Variants in UBXN10 observed in about 807,000 individuals in gnomAD.
UBXN10 encodes the protein UBX domain-containing protein 10.
In UBXN10, 6 loss-of-function variants were observed where a neutral mutation model predicts 6.9. The observed-to-expected ratio is 0.87, with a 90% CI of 0.48 to 1.72. UBXN10 has a LOEUF of 1.72. Among genes scored for constraint, UBXN10 ranks in the 40% most tolerant of loss-of-function variants. The pLI is 0.01. For missense variants in UBXN10, 317 were observed against 348.4 expected, an observed-to-expected ratio of 0.91 and a Z score of 0.72; for synonymous variants, 131 against 135.2, an observed-to-expected ratio of 0.97 and a Z score of 0.21.
Position 20,187,248 on chromosome 1 carries a change from G to A in UBXN10, c.-16+1095G>A, listed in dbSNP as rs924037838. Among the ~76,000 whole-genome samples the A allele has an allele frequency of 6.6e-6, 1 of 152,216 alleles. No individual in the cohort carries two copies. The highest frequency in any genetic ancestry group is 2.4e-5 in the African/African-American group (1 of 41,458). On this transcript the variant is annotated intron_variant, in intron 1 of 1. Transcript: ENST00000375099. This position sits in a 1 kb window ranked among gnomAD's most constrained non-coding sequence, Gnocchi z 4.6. ...TCCTGACTCCTAGCAGGCCGCTGGG[G>A]TGCAGCTATTGTGTTTAAGTAAACA... is the stretch of plus-strand genomic sequence containing the variant.
rs1177218642 is a variant in UBXN10 at position 20,191,297 on chromosome 1, G to T, written c.736G>T (p.Val246Leu). ...YRHCSIETME[V>L]PRRRFSDLTK... ...ACACTGCAGCATTGAAACAATGGAGGTGCCCAGGAGGCGATTTTCTGACCT... is the reference window on the plus strand; with the variant it reads ...ACACTGCAGCATTGAAACAATGGAGTTGCCCAGGAGGCGATTTTCTGACCT... Residue 246 changes from valine (V) to leucine (L), a missense_variant, in exon 2 of 2, where the codon GTG becomes TTG. Coordinates refer to ENST00000375099, the MANE Select transcript of UBXN10 (RefSeq NM_152376.5). This position sits in a 1 kb window ranked among gnomAD's most constrained non-coding sequence, Gnocchi z 4.5. 1.9e-6 allele frequency: 3 copies of T among 1,614,092 alleles called. No homozygotes were observed. Among genetic ancestry groups the T allele is most frequent in the Non-Finnish European group, 2.5e-6 (3 of 1,180,042 alleles).
intron 1 of UBXN10, 78 bp downstream of exon 1, chr1:20,186,231 C>T (rs1363358227): frequency 6.6e-6 from 1 of 152,330 alleles, no homozygotes; most frequent in Non-Finnish European, 1.5e-5. Flanking sequence ...GGCCAGTCCC[C>T]GAGACCCCAG....
rs1322223871 is a variant in UBXN10, at chr1:20,187,223, T to C, written c.-16+1070T>C. ...TTGGAAACAGTTGGCAGTGTTTGCT[T>C]CCTGACTCCTAGCAGGCCGCTGGGG... On this transcript the variant is annotated intron_variant, in intron 1 of 1. Coordinates refer to ENST00000375099, the MANE Select transcript of UBXN10 (RefSeq NM_152376.5). The surrounding 1 kb of genome is among the most constrained non-coding windows in gnomAD (Gnocchi z 4.6). Among the ~76,000 whole-genome samples, 1 of 152,220 alleles carries C rather than the reference T, an allele frequency of 6.6e-6. No individual in the cohort carries two copies. The highest frequency in any genetic ancestry group is 1.5e-5 in the Non-Finnish European group (1 of 68,042).
At chr1:20,184,475 A>C (rs1307208935), upstream of UBXN10, 1 of 152,220 alleles carries the variant, frequency 6.6e-6, no homozygotes, top group Non-Finnish European at 1.5e-5. Flanking sequence ...GGATGACCAG[A>C]GTGTGTGAGG....
rs116040241 is a variant in UBXN10, at chr1:20,190,491, C to A, written c.-15-56C>A. 3.0e-3 allele frequency: 4,584 copies of A among 1,535,138 alleles called. 117 individuals are homozygous for A. In the African/African-American group the frequency reaches 0.054, roughly 18 times the overall value. On this transcript the variant is annotated intron_variant, in intron 1 of 1. Transcript: ENST00000375099. ...CACTCAGGGAGGGAATGGCTTGGATCTAGGAGTCCCAGGAAGTTTAACCCA... is the reference window on the plus strand; with the variant it reads ...CACTCAGGGAGGGAATGGCTTGGATATAGGAGTCCCAGGAAGTTTAACCCA...
In UBXN10 at chr1:20,191,020, G is replaced by C; in HGVS notation, c.459G>C (p.Thr153=). The change falls in exon 2 of 2, where the codon ACG becomes ACC. Residue 153 remains threonine, a synonymous_variant. Coordinates refer to ENST00000375099, the MANE Select transcript of UBXN10 (RefSeq NM_152376.5). The surrounding 1 kb of genome is among the most constrained non-coding windows in gnomAD (Gnocchi z 4.5). ...TCCGGGCTCTTTACCAAGACGAGAC[G>C]GGCACCATGAAGACAAGTGAAGAAG... ...SSIRALYQDE[T]GTMKTSEEDS... The C allele has an allele frequency of 6.2e-7, 1 of 1,614,138 alleles. No individual in the cohort carries two copies. Among genetic ancestry groups the C allele is most frequent in the Non-Finnish European group, 8.5e-7 (1 of 1,180,034 alleles).
rs1368070972 is a variant in UBXN10 at position 20,195,007 on chromosome 1, G to A, written c.*3603G>A. 1.2e-5 allele frequency: 2 copies of A among 167,098 alleles called. No homozygotes were observed. Among genetic ancestry groups the A allele is most frequent in the African/African-American group, 2.4e-5 (1 of 41,448 alleles). 10.4% of individuals were successfully genotyped at this position (167,098 alleles called of 1,614,324 possible). A position where few individuals can be genotyped will look rare whatever the true frequency, so the allele number is the denominator to read the frequency against. Reference sequence around the variant, plus strand: ...AACAGGGAAGGCCTGAGGTCGCTTCGGAGGAGTTAGCAATCAAAGGAGAAC... The same window carrying A: ...AACAGGGAAGGCCTGAGGTCGCTTCAGAGGAGTTAGCAATCAAAGGAGAAC... On this transcript the variant is annotated 3_prime_UTR_variant, in exon 2 of 2. Coordinates refer to ENST00000375099, the MANE Select transcript of UBXN10 (RefSeq NM_152376.5).
chr1:20,189,398 T>C (rs778420506), intron 1 of UBXN10, among the ~76,000 whole-genome samples: 5 of 151,910 alleles, frequency 3.3e-5, no homozygotes, highest in Non-Finnish European at 5.9e-5. Context: ...GTGCTGGTAG[T>C]AGTGTTAGTG....
upstream of UBXN10, among the ~76,000 whole-genome samples, chr1:20,183,550 T>C (rs1423794497): frequency 6.6e-6 from 1 of 152,158 alleles, no homozygotes; most frequent in Non-Finnish European, 1.5e-5. Flanking sequence ...TTAAGGAGCG[T>C]TGTGAAGATG....
At chr1:20,185,825 G>GC (rs2018364787), upstream of UBXN10, among the ~76,000 whole-genome samples, 1 of 152,180 alleles carries the variant, frequency 6.6e-6, no homozygotes, top group Non-Finnish European at 1.5e-5. Flanking sequence ...CCCGGCCAGG[G>GC]CTCTCCCTCT....
At chr1:20,185,147 G>A (rs556796519), upstream of UBXN10, among the ~76,000 whole-genome samples, 8 of 152,202 alleles carry the variant, frequency 5.3e-5, no homozygotes, top group African/African-American at 1.9e-4. Context: ...CCTTAAAAAA[G>A]GAAGAAAAAG....
chr1:20,190,727 G>A lies in UBXN10; in HGVS notation c.166G>A (p.Val56Met), dbSNP rs769718388. ...ACCGAGTCTGCAGAAATCCCAGGGC[G>A]TGGAGGTGTGCGCTCATCATATACC... ...TRPSLQKSQG[V>M]EVCAHHIPSP... Residue 56 changes from valine to methionine, a missense_variant, in exon 2 of 2, where the codon GTG becomes ATG. By Grantham distance (21) the Val-to-Met change is conservative (BLOSUM62 1). Transcript: ENST00000375099. 2.7e-5 allele frequency: 44 copies of A among 1,614,012 alleles called. No individual in the cohort carries two copies. The highest frequency in any genetic ancestry group is 8.0e-5 in the African/African-American group (6 of 74,892).
In UBXN10 at chr1:20,191,253, A is replaced by T; in HGVS notation, c.692A>T (p.Lys231Ile). The T allele has an allele frequency of 3.7e-6, 6 of 1,614,226 alleles. No homozygotes were observed. The highest frequency in any genetic ancestry group is 5.1e-6 in the Non-Finnish European group (6 of 1,180,046). The change falls in exon 2 of 2, where the codon AAA (lysine) becomes ATA (isoleucine). Residue 231 changes from lysine to isoleucine, a missense_variant. Lys to Ile is a moderately radical substitution (Grantham distance 102). Transcript: ENST00000375099. The surrounding 1 kb of genome is among the most constrained non-coding windows in gnomAD (Gnocchi z 4.5). Reference protein sequence around the residue: ...LQTIVAVAEQKNKTSYRHCSI... With the variant: ...LQTIVAVAEQINKTSYRHCSI... ...ACCATTGTTGCTGTGGCCGAACAGA[A>T]AAACAAAACCTCCTACCGACACTGC...
At chr1:20,190,212 A>G (rs1007182888) in intron 1 of UBXN10, among the ~76,000 whole-genome samples, 3 of 152,102 alleles carry the variant, frequency 2.0e-5, no homozygotes, top group Admixed American at 6.5e-5. Flanking sequence ...TAAAAGAATA[A>G]GAATTAGTCC....
rs2018538093 is a variant in UBXN10 at position 20,193,072 on chromosome 1, C to T, written c.*1668C>T. 2.4e-5 allele frequency: 4 copies of T among 167,242 alleles called. No homozygotes were observed. The highest frequency in any genetic ancestry group is 2.0e-4 in the Admixed American group (3 of 15,300). 10.4% of individuals were successfully genotyped at this position (167,242 alleles called of 1,614,324 possible). ...GGCAGGCCCACACAACTGGCCACCT[C>T]TTCCCGTTAATGACCACAGCAGACA... is the stretch of plus-strand genomic sequence containing the variant. On this transcript the variant is annotated 3_prime_UTR_variant, in exon 2 of 2. Transcript: ENST00000375099.
rs2018561499 is a variant in UBXN10, at chr1:20,194,056, A to G, written c.*2652A>G. Reference sequence around the variant, plus strand: ...GTTGGCAAGAAAACATGAACCCACCATTGGACTCTCAACTCAAACCTTACT... The same window carrying G: ...GTTGGCAAGAAAACATGAACCCACCGTTGGACTCTCAACTCAAACCTTACT... On this transcript the variant is annotated 3_prime_UTR_variant, in exon 2 of 2. Transcript: ENST00000375099. 2 of 167,114 alleles carry G rather than the reference A, an allele frequency of 1.2e-5. No homozygotes were observed. The highest frequency in any genetic ancestry group is 4.8e-5 in the African/African-American group (2 of 41,460). The allele number at this position is 167,114 out of a possible 1,614,324, so 10.4% of individuals were successfully genotyped here. A position where few individuals can be genotyped will look rare whatever the true frequency, so the allele number is the denominator to read the frequency against.
chr1:20,193,370 G>A lies in UBXN10; in HGVS notation c.*1966G>A, dbSNP rs544861401. The A allele has an allele frequency of 2.1e-3, 353 of 167,170 alleles. 1 individual carries two copies. Among genetic ancestry groups the A allele is most frequent in the Non-Finnish European group, 3.8e-3 (260 of 68,104 alleles). The allele number at this position is 167,170 out of a possible 1,614,324, so 10.4% of individuals were successfully genotyped here. ...CTGCTGGTGAGCTTAGAATTTTGGGGTTGGGAAAAAGTGGAAGGCATAAGC... is the reference window on the plus strand; with the variant it reads ...CTGCTGGTGAGCTTAGAATTTTGGGATTGGGAAAAAGTGGAAGGCATAAGC... On this transcript the variant is annotated 3_prime_UTR_variant, in exon 2 of 2. Transcript: ENST00000375099.
chr1:20,188,067 T>C (rs1376679741), intron 1 of UBXN10, among the ~76,000 whole-genome samples: 1 of 152,034 alleles, frequency 6.6e-6, no homozygotes, highest in Non-Finnish European at 1.5e-5. Context: ...GGCAGAACAG[T>C]TGGACAGTTA....
rs757759221 is a variant in UBXN10 at position 20,191,038 on chromosome 1, TGAA to T, written c.483_485del (p.Glu161del). On this transcript the variant is annotated inframe_deletion, in exon 2 of 2. Transcript: ENST00000375099. The surrounding 1 kb of genome is among the most constrained non-coding windows in gnomAD (Gnocchi z 4.5). ...ACGAGACGGGCACCATGAAGACAAG[TGAA>T]GAAGATTCCAGAGCTCGAGCTTGTG... is the stretch of plus-strand genomic sequence containing the variant. 1 of 1,613,810 alleles carries T rather than the reference TGAA, an allele frequency of 6.2e-7. No individual in the cohort carries two copies.
Sources: allele counts gnomAD v4.1 joint callset (sites outside exome capture counted in the v4.1 genomes callset), GRCh38; gene constraint gnomAD v4.1.1; non-coding constraint Gnocchi (gnomAD v3.1); transcripts MANE v1.5; gene names NCBI Gene and HGNC (gene_info 2026-07-23, HGNC 2026-07-21).